The following AGPAT4 variants were observed in gnomAD, a reference collection of about 807,000 sequenced individuals.
AGPAT4 encodes the protein 1-acyl-sn-glycerol-3-phosphate acyltransferase delta.
Under a neutral mutation model 48.0 loss-of-function variants are expected in AGPAT4, and 15 were observed. The observed-to-expected ratio is 0.31, with a 90% CI of 0.21 to 0.48. The LOEUF (loss-of-function observed/expected upper bound fraction) is 0.48. Ranked by LOEUF, AGPAT4 falls within the 20% of genes least tolerant of loss-of-function variation. The probability of loss-of-function intolerance (pLI) is 0.99; values close to 1 mark genes in which losing one functional copy is unlikely to be tolerated. For synonymous variants in AGPAT4, 178 were observed against 198.7 expected, an observed-to-expected ratio of 0.90 and a Z score of 0.88; for missense variants, 314 against 482.5, an observed-to-expected ratio of 0.65 and a Z score of 3.27.
Position 161,166,456 on chromosome 6 carries a change from A to G in AGPAT4, c.179-39T>C, listed in dbSNP as rs367608953. ...CAACAGACAGATGTTTACTACATGC[A>G]GCCTTGTCCTGGGAGCCCTGCTGAG... On this transcript the variant is annotated intron_variant, in intron 2 of 8. Transcript: ENST00000320285. This position sits in a 1 kb window ranked among gnomAD's most constrained non-coding sequence, Gnocchi z 6.7. The G allele has an allele frequency of 8.4e-6, 13 of 1,555,066 alleles. No individual in the cohort carries two copies. The African/African-American group carries it at 1.6e-4, about 20-fold the overall frequency.
chr6:161,230,426 G>A (rs140889704), intron 2 of AGPAT4, among the ~76,000 whole-genome samples: 3 of 152,216 alleles, frequency 2.0e-5, no homozygotes, highest in Non-Finnish European at 2.9e-5. Flanking sequence ...GTATTGCTTT[G>A]TTAAATTTAA....
Position 161,139,398 on chromosome 6 carries a change from A to G in AGPAT4, c.1042+24T>C, listed in dbSNP as rs1583272896. The G allele has an allele frequency of 6.2e-7, 1 of 1,612,342 alleles. No homozygotes were observed. The highest frequency in any genetic ancestry group is 8.5e-7 in the Non-Finnish European group (1 of 1,178,938). On this transcript the variant is annotated intron_variant, in intron 8 of 8. Coordinates refer to ENST00000320285, the MANE Select transcript of AGPAT4 (RefSeq NM_020133.3). This position sits in a 1 kb window ranked among gnomAD's most constrained non-coding sequence, Gnocchi z 9.1. The stretch of plus-strand genomic sequence containing the variant: ...TCCCAGGGTGGTGCTGTCAGCACCC[A>G]CCAGCCCCTTGCCCTCCACTCACCC...
In AGPAT4 at chr6:161,225,302, A is replaced by G. The variant is rs1781946609; in HGVS notation, c.178+6734T>C. On this transcript the variant is annotated intron_variant, in intron 2 of 8. Coordinates refer to ENST00000320285, the MANE Select transcript of AGPAT4 (RefSeq NM_020133.3). The surrounding 1 kb of genome is among the most constrained non-coding windows in gnomAD (Gnocchi z 5.0). Reference sequence around the variant, plus strand: ...AGAATTAGTTTAACCTGTGCAGTCTAACCCTAGCCAATAGGGGAAGGACAC... The same window carrying G: ...AGAATTAGTTTAACCTGTGCAGTCTGACCCTAGCCAATAGGGGAAGGACAC... Among the ~76,000 whole-genome samples, 1 of 152,214 alleles carries G rather than the reference A, an allele frequency of 6.6e-6. No homozygotes were observed. Among genetic ancestry groups the G allele is most frequent in the Non-Finnish European group, 1.5e-5 (1 of 68,036 alleles).
chr6:161,187,504 C>T (rs888176245), intron 2 of AGPAT4, among the ~76,000 whole-genome samples: 2 of 143,850 alleles, frequency 1.4e-5, no homozygotes, highest in African/African-American at 5.2e-5. Context: ...TCCTGAAGCC[C>T]ATTTATTTAT....
chr6:161,174,854 G>C (rs1009636408), intron 2 of AGPAT4, among the ~76,000 whole-genome samples: 6 of 152,282 alleles, frequency 3.9e-5, no homozygotes, highest in African/African-American at 1.4e-4. Context: ...TTTTTAGCAT[G>C]AAGCGCTGTT....
chr6:161,230,661 A>G (rs80219822), intron 2 of AGPAT4, among the ~76,000 whole-genome samples: 7,184 of 152,238 alleles, frequency 0.047, 543 homozygotes, highest in African/African-American at 0.16. Context: ...TTGGAGACCA[A>G]TGTTGAGTGA....
chr6:161,251,334 A>G lies in AGPAT4; in HGVS notation c.-89-19032T>C, dbSNP rs1782798631. ...TTGATTCCCATGCAGTCTCTCCTAC[A>G]TCGAATACCAATAAACAGACATGAA... On this transcript the variant is annotated intron_variant, in intron 1 of 8. Transcript: ENST00000320285. The surrounding 1 kb of genome is among the most constrained non-coding windows in gnomAD (Gnocchi z 4.6). Among the ~76,000 whole-genome samples the G allele has an allele frequency of 6.6e-6, 1 of 152,222 alleles. No individual in the cohort carries two copies. The highest frequency in any genetic ancestry group is 2.4e-5 in the African/African-American group (1 of 41,472).
In AGPAT4 at chr6:161,243,018, G is replaced by A. The variant is rs924113435; in HGVS notation, c.-89-10716C>T. Among the ~76,000 whole-genome samples the A allele has an allele frequency of 6.6e-6, 1 of 152,076 alleles. No individual in the cohort carries two copies. The highest frequency in any genetic ancestry group is 2.1e-4 in the South Asian group (1 of 4,820). On this transcript the variant is annotated intron_variant, in intron 1 of 8. Coordinates refer to ENST00000320285, the MANE Select transcript of AGPAT4 (RefSeq NM_020133.3). The surrounding 1 kb of genome is among the most constrained non-coding windows in gnomAD (Gnocchi z 4.8). ...GTGGAGGTTGCAGTGAGTGGAGATT[G>A]CGCCACTGCACTCCAGCTTGGGCGA...
chr6:161,164,848 T>C lies in AGPAT4; in HGVS notation c.348+1400A>G, dbSNP rs947954423. 1.3e-5 allele frequency among the ~76,000 whole-genome samples: 2 copies of C among 152,198 alleles called. No individual in the cohort carries two copies. Among genetic ancestry groups the C allele is most frequent in the African/African-American group, 4.8e-5 (2 of 41,454 alleles). ...ACGAATTATGAATGTTTGCACATTC[T>C]AAGCATGAACACTACCAGAAAGTAC... On this transcript the variant is annotated intron_variant, in intron 3 of 8. Transcript: ENST00000320285. This position sits in a 1 kb window ranked among gnomAD's most constrained non-coding sequence, Gnocchi z 7.4.
chr6:161,238,517 C>G lies in AGPAT4; in HGVS notation c.-89-6215G>C, dbSNP rs1782375834. 6.6e-6 allele frequency among the ~76,000 whole-genome samples: 1 copy of G among 152,194 alleles called. No homozygotes were observed. On this transcript the variant is annotated intron_variant, in intron 1 of 8. Transcript: ENST00000320285. The surrounding 1 kb of genome is among the most constrained non-coding windows in gnomAD (Gnocchi z 5.2). ...CTGTAATGTGTTAAAGCATCCTCCCCCATATGTTTTCATTCTAACCTATAC... is the reference window on the plus strand; with the variant it reads ...CTGTAATGTGTTAAAGCATCCTCCCGCATATGTTTTCATTCTAACCTATAC...
In AGPAT4 at chr6:161,198,635, A is replaced by T. The variant is rs1195029955; in HGVS notation, c.179-32218T>A. ...ATCTACTACTTGTGAGACTTTGGAC[A>T]TGCTATTTAACCTGCTGTGCCTCGG... On this transcript the variant is annotated intron_variant, in intron 2 of 8. Coordinates refer to ENST00000320285, the MANE Select transcript of AGPAT4 (RefSeq NM_020133.3). This position sits in a 1 kb window ranked among gnomAD's most constrained non-coding sequence, Gnocchi z 4.3. 1.3e-5 allele frequency among the ~76,000 whole-genome samples: 2 copies of T among 152,342 alleles called. No individual in the cohort carries two copies. The highest frequency in any genetic ancestry group is 1.9e-4 in the East Asian group (1 of 5,184).
At position 161,144,453 on chromosome 6, in the gene AGPAT4, A is replaced by G. The variant is rs1266920575; in HGVS notation, c.843+2071T>C. On this transcript the variant is annotated intron_variant, in intron 7 of 8. Coordinates refer to ENST00000320285, the MANE Select transcript of AGPAT4 (RefSeq NM_020133.3). The surrounding 1 kb of genome is among the most constrained non-coding windows in gnomAD (Gnocchi z 6.6). ...TATCATTTAAATGTGAACATAGTTTAGAGGAAAACACCCTAAGAGACTTTT... is the reference window on the plus strand; with the variant it reads ...TATCATTTAAATGTGAACATAGTTTGGAGGAAAACACCCTAAGAGACTTTT... Among the ~76,000 whole-genome samples the G allele has an allele frequency of 6.6e-6, 1 of 152,192 alleles. No individual in the cohort carries two copies. Among genetic ancestry groups the G allele is most frequent in the Non-Finnish European group, 1.5e-5 (1 of 68,022 alleles).
rs1218289274 is a variant in AGPAT4, at chr6:161,223,183, C to T, written c.178+8853G>A. On this transcript the variant is annotated intron_variant, in intron 2 of 8. Transcript: ENST00000320285. This position sits in a 1 kb window ranked among gnomAD's most constrained non-coding sequence, Gnocchi z 6.3. ...CCTACCAAGGACAGCAGCTGCACCC[C>T]TCTCATCTCTGTTCTCCAGGTGCTG... 1.3e-5 allele frequency among the ~76,000 whole-genome samples: 2 copies of T among 152,158 alleles called. No homozygotes were observed. The highest frequency in any genetic ancestry group is 2.1e-4 in the South Asian group (1 of 4,826).
chr6:161,259,940 C>T lies in AGPAT4; in HGVS notation c.-90+13998G>A, dbSNP rs1322111224. 6.6e-6 allele frequency among the ~76,000 whole-genome samples: 1 copy of T among 152,166 alleles called. No homozygotes were observed. Among genetic ancestry groups the T allele is most frequent in the Non-Finnish European group, 1.5e-5 (1 of 68,032 alleles). ...CTGGTTCTTGCTTCCCTTCTCAGACCCATCCAGGAGTTGCACTGGAGGAAA... is the reference window on the plus strand; with the variant it reads ...CTGGTTCTTGCTTCCCTTCTCAGACTCATCCAGGAGTTGCACTGGAGGAAA... On this transcript the variant is annotated intron_variant, in intron 1 of 8. Transcript: ENST00000320285. The surrounding 1 kb of genome is among the most constrained non-coding windows in gnomAD (Gnocchi z 4.9).
At chr6:161,145,745 G>A (rs1015222948) in intron 7 of AGPAT4, among the ~76,000 whole-genome samples, 15 of 151,628 alleles carry the variant, frequency 9.9e-5, no homozygotes, top group Non-Finnish European at 1.6e-4. Context: ...GAGCCAGCCC[G>A]CATTTATGGA....
intron 2 of AGPAT4, among the ~76,000 whole-genome samples, chr6:161,167,041 G>A (rs1475682414): frequency 3.3e-5 from 5 of 152,176 alleles, no homozygotes; most frequent in Admixed American, 6.5e-5. Flanking sequence ...ACCACTTGCA[G>A]TTTATTCTTC....
At chr6:161,252,625 T>C (rs1446774848) in intron 1 of AGPAT4, among the ~76,000 whole-genome samples, 1 of 111,184 alleles carries the variant, frequency 9.0e-6, no homozygotes, top group Non-Finnish European at 1.9e-5. Flanking sequence ...GAGTTGGAGA[T>C]TGGTCTCGGC....
In AGPAT4 at chr6:161,233,336, T is replaced by C. The variant is rs1037987001; in HGVS notation, c.-89-1034A>G. On this transcript the variant is annotated intron_variant, in intron 1 of 8. Transcript: ENST00000320285. This position sits in a 1 kb window ranked among gnomAD's most constrained non-coding sequence, Gnocchi z 5.4. ...AATACTCTGATGAAAAGGAAAGCTG[T>C]GAGCAGCGGACTCGCTTTTCCTGGA... 2.0e-5 allele frequency among the ~76,000 whole-genome samples: 3 copies of C among 152,232 alleles called. No homozygotes were observed. Among genetic ancestry groups the C allele is most frequent in the Non-Finnish European group, 2.9e-5 (2 of 68,038 alleles).
chr6:161,152,104 C>T (rs11970317), intron 5 of AGPAT4, among the ~76,000 whole-genome samples: 11,714 of 152,180 alleles, frequency 0.077, 1,512 homozygotes, highest in African/African-American at 0.27. Context: ...CTCTCCTCTC[C>T]GGGAGTAAGA....
Sources: allele counts gnomAD v4.1 joint callset (sites outside exome capture counted in the v4.1 genomes callset), GRCh38; gene constraint gnomAD v4.1.1; non-coding constraint Gnocchi (gnomAD v3.1); transcripts MANE v1.5; gene names NCBI Gene and HGNC (gene_info 2026-07-23, HGNC 2026-07-21).